The following PRKN variants were observed in gnomAD, a reference collection of about 807,000 sequenced individuals.
PRKN encodes E3 ubiquitin-protein ligase parkin.
A neutral mutation model predicts 59.5 loss-of-function variants in PRKN; 56 were observed. The observed-to-expected ratio is 0.94, with a 90% CI of 0.76 to 1.18. The LOEUF (loss-of-function observed/expected upper bound fraction) is 1.18. Ranked by LOEUF, PRKN falls within the 50% of genes most tolerant of loss-of-function variation. The pLI is 0.00. For synonymous variants in PRKN, 250 were observed against 222.1 expected, an observed-to-expected ratio of 1.13 and a Z score of -1.12; for missense variants, 657 against 596.4, an observed-to-expected ratio of 1.10 and a Z score of -1.06.
At chr6:162,426,064 ACT>A (rs776148836) in intron 2 of PRKN, among the ~76,000 whole-genome samples, 10 of 152,240 alleles carry the variant, frequency 6.6e-5, no homozygotes, top group Non-Finnish European at 1.5e-4. Flanking sequence ...TCTTCAAAGG[ACT>A]GCAAAAGAAT....
At position 161,396,385 on chromosome 6, in the gene PRKN, C is replaced by T. The variant is rs1459538241; in HGVS notation, c.1084-9508G>A. On this transcript the variant is annotated intron_variant, in intron 9 of 11. Coordinates refer to ENST00000366898, the MANE Select transcript of PRKN (RefSeq NM_004562.3). The surrounding 1 kb of genome is among the most constrained non-coding windows in gnomAD (Gnocchi z 5.4). ...ACTGAGAATTCCCTTTACCATCCTG[C>T]AAGGCCTGCCCAATTTTGCTTTAAA... 2.0e-5 allele frequency among the ~76,000 whole-genome samples: 3 copies of T among 152,184 alleles called. No homozygotes were observed. Among genetic ancestry groups the T allele is most frequent in the African/African-American group, 7.2e-5 (3 of 41,428 alleles).
intron 6 of PRKN, among the ~76,000 whole-genome samples, chr6:161,845,030 G>C (rs923224556): frequency 2.6e-5 from 4 of 152,206 alleles, no homozygotes; most frequent in Non-Finnish European, 5.9e-5. Context: ...GCGGGACAGA[G>C]GCCTAGAAAA....
intron 6 of PRKN, among the ~76,000 whole-genome samples, chr6:161,945,864 C>T (rs550062173): frequency 2.0e-5 from 3 of 152,154 alleles, no homozygotes; most frequent in Non-Finnish European, 4.4e-5. Flanking sequence ...TTAAAGCTCC[C>T]GAAATGGATG....
At chr6:162,032,082 C>A (rs1255338242) in intron 5 of PRKN, among the ~76,000 whole-genome samples, 1 of 152,094 alleles carries the variant, frequency 6.6e-6, no homozygotes, top group African/African-American at 2.4e-5. Flanking sequence ...TAACAGCTTG[C>A]TACTAATGCT....
At chr6:162,405,520 A>T (rs1330422205) in intron 2 of PRKN, among the ~76,000 whole-genome samples, 1 of 152,154 alleles carries the variant, frequency 6.6e-6, no homozygotes, top group African/African-American at 2.4e-5. Context: ...TGCAGATGCC[A>T]GGTGCTATGA....
chr6:162,441,867 G>T (rs1465382596), intron 2 of PRKN, among the ~76,000 whole-genome samples: 5 of 152,154 alleles, frequency 3.3e-5, no homozygotes, highest in Non-Finnish European at 7.4e-5. Context: ...CAGCACAAAT[G>T]GCAGTTTAGA....
In PRKN at chr6:162,133,208, G is replaced by A. The variant is rs145245103; in HGVS notation, c.534+67923C>T. On this transcript the variant is annotated intron_variant, in intron 4 of 11. Coordinates refer to ENST00000366898, the MANE Select transcript of PRKN (RefSeq NM_004562.3). ...TAGGAATAGGACTGGGCAGGAGGCT[G>A]CTGCCTGGAGGCACCATGAGGGATG... Among the ~76,000 whole-genome samples, 178 of 152,326 alleles carry A rather than the reference G, an allele frequency of 1.2e-3. 1 individual carries two copies. The highest frequency in any genetic ancestry group is 4.1e-3 in the African/African-American group (169 of 41,580).
intron 1 of PRKN, among the ~76,000 whole-genome samples, chr6:162,716,142 C>T (rs1778711261): frequency 6.6e-6 from 1 of 152,092 alleles, no homozygotes; most frequent in East Asian, 1.9e-4. Flanking sequence ...TTTCTTTTTT[C>T]AGCAAAAAAT....
At chr6:162,676,470 G>A (rs1779547978) in intron 1 of PRKN, among the ~76,000 whole-genome samples, 1 of 152,174 alleles carries the variant, frequency 6.6e-6, no homozygotes, top group South Asian at 2.1e-4. Context: ...TCAGACTGCA[G>A]CAGCAGAAAT....
At chr6:161,506,773 C>A (rs929467698) in intron 9 of PRKN, among the ~76,000 whole-genome samples, 5 of 152,172 alleles carry the variant, frequency 3.3e-5, no homozygotes, top group African/African-American at 7.2e-5. Context: ...ACATTTAATT[C>A]TTTACAGATA....
At chr6:162,234,159 A>C (rs931045549) in intron 3 of PRKN, among the ~76,000 whole-genome samples, 98 of 152,286 alleles carry the variant, frequency 6.4e-4, no homozygotes, top group African/African-American at 2.3e-3. Context: ...ATACTATGGG[A>C]AAGTGAGAAC....
At chr6:162,279,811 C>T (rs1489599793) in intron 2 of PRKN, among the ~76,000 whole-genome samples, 1 of 152,096 alleles carries the variant, frequency 6.6e-6, no homozygotes, top group East Asian at 1.9e-4. Flanking sequence ...GAGTCTAAGT[C>T]TCTTTGTAGG....
chr6:161,934,006 T>C (rs1395303403), intron 6 of PRKN, among the ~76,000 whole-genome samples: 1 of 152,260 alleles, frequency 6.6e-6, no homozygotes, highest in Admixed American at 6.5e-5. Context: ...TTAGGCTTTG[T>C]ATCCCTGCCC....
chr6:162,261,116 T>C (rs1251981373), intron 3 of PRKN, among the ~76,000 whole-genome samples: 1 of 151,728 alleles, frequency 6.6e-6, no homozygotes, highest in Non-Finnish European at 1.5e-5. Flanking sequence ...AAGACAAGAG[T>C]AAGGTTTGTT....
At chr6:161,925,112 T>C (rs914197419) in intron 6 of PRKN, among the ~76,000 whole-genome samples, 12 of 152,220 alleles carry the variant, frequency 7.9e-5, no homozygotes, top group African/African-American at 2.9e-4. Context: ...CTTTACAGGC[T>C]TATGAATGAA....
rs1044167205 is a variant in PRKN, at chr6:161,579,633, A to G, written c.872-10217T>C. ...TATCCAAAACCAGTATTAAATAAATATAAGTCATCGGACTTTAGGAATTGA... is the reference window on the plus strand; with the variant it reads ...TATCCAAAACCAGTATTAAATAAATGTAAGTCATCGGACTTTAGGAATTGA... On this transcript the variant is annotated intron_variant, in intron 7 of 11. Transcript: ENST00000366898. This position sits in a 1 kb window ranked among gnomAD's most constrained non-coding sequence, Gnocchi z 4.2. Among the ~76,000 whole-genome samples, 22 of 152,200 alleles carry G rather than the reference A, an allele frequency of 1.4e-4. No individual in the cohort carries two copies. The highest frequency in any genetic ancestry group is 4.6e-4 in the Admixed American group (7 of 15,280).
intron 2 of PRKN, among the ~76,000 whole-genome samples, chr6:162,348,432 T>C (rs138703627): frequency 6.6e-6 from 1 of 152,278 alleles, no homozygotes; most frequent in East Asian, 1.9e-4. Flanking sequence ...CCAGATATTG[T>C]GGTCAACAGA....
At chr6:162,489,548 T>G (rs1792709549) in intron 1 of PRKN, among the ~76,000 whole-genome samples, 1 of 152,124 alleles carries the variant, frequency 6.6e-6, no homozygotes, top group South Asian at 2.1e-4. Flanking sequence ...TTGTTTTGAG[T>G]CCCTATTTTT....
rs540975136 is a variant in PRKN, at chr6:162,278,130, C to T, written c.172-15365G>A. 5.9e-5 allele frequency among the ~76,000 whole-genome samples: 9 copies of T among 152,028 alleles called. No homozygotes were observed. The South Asian group carries it at 1.7e-3, about 28-fold the overall frequency. On this transcript the variant is annotated intron_variant, in intron 2 of 11. Coordinates refer to ENST00000366898, the MANE Select transcript of PRKN (RefSeq NM_004562.3). The stretch of plus-strand genomic sequence containing the variant: ...CAAGCCAGGAAATGACATGGAGGAA[C>T]CTTAAGTGCATATTACCAAGTGAAA...
Sources: allele counts gnomAD v4.1 joint callset (sites outside exome capture counted in the v4.1 genomes callset), GRCh38; gene constraint gnomAD v4.1.1; non-coding constraint Gnocchi (gnomAD v3.1); transcripts MANE v1.5; gene names NCBI Gene and HGNC (gene_info 2026-07-23, HGNC 2026-07-21).